RIMKLB: variants seen among roughly 807,000 people sequenced by gnomAD.
RIMKLB encodes ribosomal modification protein rimK like family member B.
Under a neutral mutation model 32.0 loss-of-function variants are expected in RIMKLB, and 7 were observed. The observed-to-expected ratio is 0.22, with a 90% CI of 0.12 to 0.41. The LOEUF is 0.41. RIMKLB is among the 10% of genes least tolerant of loss of function. RIMKLB has a pLI of 1.00. For missense variants in RIMKLB, 289 were observed against 498.7 expected (o/e 0.58, Z 4.00); for synonymous variants, 172 against 185.1 (o/e 0.93, Z 0.57).
rs747255869 is a variant in RIMKLB, at chr12:8,764,104, G to A, written c.698-9217G>A. ...TTGGGTTTCTGTACTCCTAAAATTG[G>A]AGTATTGTAGGGGCTACTGCATGAT... On this transcript the variant is annotated intron_variant, in intron 5 of 5. Coordinates refer to ENST00000535829, the MANE Select transcript of RIMKLB (RefSeq NM_001297776.2). Among the ~76,000 whole-genome samples, 21 of 152,260 alleles carry A rather than the reference G, an allele frequency of 1.4e-4. No homozygotes were observed. In the East Asian group the frequency reaches 3.9e-3, roughly 28 times the overall value.
intron 1 of RIMKLB, 166 bp from the exon 2 acceptor site, chr12:8,713,645 C>T: frequency 2.0e-6 from 1 of 512,602 alleles, no homozygotes; most frequent in Non-Finnish European, 3.5e-6. Flanking sequence ...TTCCATATTA[C>T]TAGTGTATAA....
At chr12:8,680,225 G>C (rs1272337040), upstream of RIMKLB, among the ~76,000 whole-genome samples, 2 of 152,092 alleles carry the variant, frequency 1.3e-5, no homozygotes, top group Non-Finnish European at 2.9e-5. Context: ...GCGCGATCTC[G>C]GCTCACTGCA....
intron 5 of RIMKLB, among the ~76,000 whole-genome samples, chr12:8,764,128 A>C (rs1006073568): frequency 6.6e-6 from 1 of 152,058 alleles, no homozygotes; most frequent in African/African-American, 2.4e-5. Flanking sequence ...CTACTGCATG[A>C]TTTTACTAGG....
chr12:8,748,644 G>C (rs758761222), intron 2 of RIMKLB, among the ~76,000 whole-genome samples: 3 of 149,144 alleles, frequency 2.0e-5, no homozygotes, highest in Non-Finnish European at 3.0e-5. Flanking sequence ...ATGAAAATAG[G>C]GTTTAAGAAG....
rs184805415 is a variant in RIMKLB at position 8,721,138 on chromosome 12, C to T, written c.175+7097C>T. On this transcript the variant is annotated intron_variant, in intron 2 of 5. Transcript: ENST00000535829. ...TCTTTATAGGCACACCTTGGAGATA[C>T]TGCAGATTTGGTTTCAGACCACCAC... Among the ~76,000 whole-genome samples the T allele has an allele frequency of 5.0e-3, 755 of 152,280 alleles. 5 individuals are homozygous for T. The highest frequency in any genetic ancestry group is 0.027 in the Middle Eastern group (8 of 294).
intron 1 of RIMKLB, among the ~76,000 whole-genome samples, chr12:8,699,537 T>G (rs1405616627): frequency 6.6e-6 from 1 of 152,226 alleles, no homozygotes; most frequent in Non-Finnish European, 1.5e-5. Flanking sequence ...ACCCTCTAAT[T>G]TTAAAAATAA....
chr12:8,774,770 T>C lies in RIMKLB; in HGVS notation c.*986T>C. On this transcript the variant is annotated 3_prime_UTR_variant, in exon 6 of 6. Coordinates refer to ENST00000535829, the MANE Select transcript of RIMKLB (RefSeq NM_001297776.2). ...TTTAAATAAGGACAAGGAAAAATAT[T>C]TTTGGGGGCAAATCAAGAGCCTATG... is the stretch of plus-strand genomic sequence containing the variant. 1.0e-6 allele frequency: 1 copy of C among 985,696 alleles called. No homozygotes were observed. The highest frequency in any genetic ancestry group is 1.2e-6 in the Non-Finnish European group (1 of 829,896). 61.1% of individuals were successfully genotyped at this position (985,696 alleles called of 1,614,324 possible).
intron 1 of RIMKLB, among the ~76,000 whole-genome samples, chr12:8,703,777 C>T (rs1167517575): frequency 1.3e-5 from 2 of 152,166 alleles, no homozygotes; most frequent in East Asian, 1.9e-4. Context: ...GCTAGAACAG[C>T]GTCACTGCCA....
At chr12:8,750,239 A>G in intron 3 of RIMKLB, 147 bp downstream of exon 3, 1 of 531,246 alleles carries the variant, frequency 1.9e-6, no homozygotes. Flanking sequence ...ATATCTTAAG[A>G]TTTGTTTCAT....
chr12:8,674,945 C>T, the RIMKLB span, among the ~76,000 whole-genome samples: 1 of 149,846 alleles, frequency 6.7e-6, no homozygotes, highest in South Asian at 2.1e-4. Context: ...CTCACTGCAA[C>T]CTCCACCTCC....
At chr12:8,777,299 T>C, downstream of RIMKLB, 1 of 983,124 alleles carries the variant, frequency 1.0e-6, no homozygotes, top group Non-Finnish European at 1.2e-6. Flanking sequence ...CTTTGGAGCT[T>C]GGATTTTGGA....
chr12:8,764,020 A>G (rs2138065065), intron 5 of RIMKLB, among the ~76,000 whole-genome samples: 1 of 152,302 alleles, frequency 6.6e-6, no homozygotes, highest in South Asian at 2.1e-4. Flanking sequence ...ATAGCTGGGT[A>G]TAGAGGGACA....
intron 1 of RIMKLB, among the ~76,000 whole-genome samples, chr12:8,684,027 C>T (rs1565536893): frequency 1.3e-5 from 2 of 152,132 alleles, no homozygotes; most frequent in African/African-American, 4.8e-5. Flanking sequence ...GGATTATAGG[C>T]TTGAGCCACT....
At position 8,776,178 on chromosome 12, in the gene RIMKLB, A is replaced by T; in HGVS notation, c.*2394A>T. On this transcript the variant is annotated 3_prime_UTR_variant, in exon 6 of 6. Transcript: ENST00000535829. Reference sequence around the variant, plus strand: ...TGTAGTTAGTCTTTTCTTAACTTATACCAAATTAACCAACTATATTATAGG... The same window carrying T: ...TGTAGTTAGTCTTTTCTTAACTTATTCCAAATTAACCAACTATATTATAGG... The T allele has an allele frequency of 1.0e-6, 1 of 983,214 alleles. No homozygotes were observed. Among genetic ancestry groups the T allele is most frequent in the Non-Finnish European group, 1.2e-6 (1 of 827,892 alleles). The allele number at this position is 983,214 out of a possible 1,614,324, so 60.9% of individuals were successfully genotyped here.
At chr12:8,754,803 G>A (rs1357161396) in intron 5 of RIMKLB, among the ~76,000 whole-genome samples, 1 of 151,976 alleles carries the variant, frequency 6.6e-6, no homozygotes, top group Non-Finnish European at 1.5e-5. Flanking sequence ...ATGTATGAGT[G>A]AGTGAATGAT....
chr12:8,705,161 A>G (rs1348465103), intron 1 of RIMKLB, among the ~76,000 whole-genome samples: 1 of 152,174 alleles, frequency 6.6e-6, no homozygotes, highest in Admixed American at 6.6e-5. Flanking sequence ...ATAGTAGTCC[A>G]AGTGTTGAAT....
intron 5 of RIMKLB, among the ~76,000 whole-genome samples, chr12:8,757,954 C>CTT (rs772308279): frequency 1.3e-4 from 19 of 142,920 alleles, no homozygotes; most frequent in African/African-American, 4.8e-4. Context: ...GAACTTTTGT[C>CTT]TTTTTTTTTT....
chr12:8,755,210 C>G (rs934888725), intron 5 of RIMKLB, among the ~76,000 whole-genome samples: 1 of 152,060 alleles, frequency 6.6e-6, no homozygotes, highest in African/African-American at 2.4e-5. Flanking sequence ...CTCGGCCTCC[C>G]AGAATGCTGG....
intron 5 of RIMKLB, among the ~76,000 whole-genome samples, chr12:8,757,470 CAAA>C (rs55670138): frequency 9.8e-5 from 7 of 71,360 alleles, no homozygotes; most frequent in Non-Finnish European, 5.9e-5. Context: ...GACCCTGTCT[CAAA>C]AAAAAAAAAA....
Sources: gnomAD v4.1 joint callset for allele counts (sites outside exome capture counted in the v4.1 genomes callset) on GRCh38, gnomAD v4.1.1 for gene constraint, MANE v1.5 for transcripts, NCBI Gene and HGNC (gene_info 2026-07-23, HGNC 2026-07-21) for gene names.